BASP1: variants seen among roughly 807,000 people sequenced by gnomAD.
BASP1 encodes brain acid soluble protein 1.
BASP1 carries 1 observed loss-of-function variant against 2.2 expected under a neutral mutation model. That is an observed-to-expected ratio of 0.46 (90% CI 0.16 to 2.17). BASP1 has a LOEUF of 2.17. BASP1 is among the 30% of genes most tolerant of loss of function. The pLI, the probability that BASP1 is intolerant of heterozygous loss-of-function variation, is 0.27. For missense variants in BASP1, 352 were observed against 327.2 expected (o/e 1.08, Z -0.58); for synonymous variants, 187 against 154.2 (o/e 1.21, Z -1.58).
chr5:17,274,306 T>G (rs62348045), intron 1 of BASP1, among the ~76,000 whole-genome samples: 1 of 152,174 alleles, frequency 6.6e-6, no homozygotes, highest in Non-Finnish European at 1.5e-5. Flanking sequence ...CAAGAGACAC[T>G]GGCTTTTTCA....
Position 17,275,210 on chromosome 5 carries a change from C to G in BASP1, c.-7C>G, listed in dbSNP as rs756210529. On this transcript the variant is annotated splice_region_variant and 5_prime_UTR_variant, in exon 2 of 2. Transcript: ENST00000322611. The surrounding 1 kb of genome is among the most constrained non-coding windows in gnomAD (Gnocchi z 5.3). ...TTTTGTTTTGTGTTTGCTTCCAGAACTCCAAGATGGGAGGCAAGCTCAGCA... is the reference window on the plus strand; with the variant it reads ...TTTTGTTTTGTGTTTGCTTCCAGAAGTCCAAGATGGGAGGCAAGCTCAGCA... The G allele has an allele frequency of 1.2e-6, 2 of 1,612,904 alleles. No homozygotes were observed. The highest frequency in any genetic ancestry group is 1.1e-5 in the South Asian group (1 of 91,010).
intron 1 of BASP1, among the ~76,000 whole-genome samples, chr5:17,252,555 C>T (rs1472960840): frequency 6.6e-6 from 1 of 152,178 alleles, no homozygotes; most frequent in Non-Finnish European, 1.5e-5. Flanking sequence ...ACCACACCTC[C>T]TGGGGAGTTT....
At chr5:17,229,015 T>TA (rs550150550) in intron 1 of BASP1, among the ~76,000 whole-genome samples, 150 of 148,836 alleles carry the variant, frequency 1.0e-3, no homozygotes, top group African/African-American at 2.7e-3. Flanking sequence ...GTATACCTAT[T>TA]AAAAAAAAAA....
intron 1 of BASP1, among the ~76,000 whole-genome samples, chr5:17,261,585 C>G (rs1282794497): frequency 1.3e-5 from 2 of 152,164 alleles, no homozygotes; most frequent in East Asian, 1.9e-4. Context: ...GAATAACCAT[C>G]AGATTTGGAA....
At chr5:17,233,100 A>G (rs1223059713) in intron 1 of BASP1, among the ~76,000 whole-genome samples, 1 of 152,214 alleles carries the variant, frequency 6.6e-6, no homozygotes, top group East Asian at 1.9e-4. Context: ...ACTCATTCCA[A>G]AACATTTCTG....
chr5:17,258,718 T>A (rs1239856569), intron 1 of BASP1, among the ~76,000 whole-genome samples: 12 of 152,202 alleles, frequency 7.9e-5, no homozygotes, highest in Admixed American at 7.9e-4. Context: ...TGGAATTCCA[T>A]GGCTGGGGAC....
rs538777864 is a variant in BASP1 at position 17,236,836 on chromosome 5, T to C, written c.-10+19026T>C. Among the ~76,000 whole-genome samples the C allele has an allele frequency of 2.6e-5, 4 of 152,372 alleles. No homozygotes were observed. The East Asian group carries it at 7.7e-4, about 29-fold the overall frequency. On this transcript the variant is annotated intron_variant, in intron 1 of 1. Transcript: ENST00000322611. The surrounding 1 kb of genome is among the most constrained non-coding windows in gnomAD (Gnocchi z 4.0). Reference sequence around the variant, plus strand: ...GAAAAAAATGTTTTTAGTACTTTTCTTGGTATCTTCTAATCTTCAGAAAAA... The same window carrying C: ...GAAAAAAATGTTTTTAGTACTTTTCCTGGTATCTTCTAATCTTCAGAAAAA...
At chr5:17,257,736 G>A (rs942061968) in intron 1 of BASP1, among the ~76,000 whole-genome samples, 6 of 152,076 alleles carry the variant, frequency 3.9e-5, no homozygotes, top group South Asian at 2.1e-4. Flanking sequence ...TCAAAGTTCC[G>A]CTTGAACTAA....
intron 1 of BASP1, among the ~76,000 whole-genome samples, chr5:17,227,280 C>T (rs1017083666): frequency 4.6e-5 from 7 of 151,826 alleles, no homozygotes; most frequent in South Asian, 2.1e-4. Context: ...AGTGCAGTGG[C>T]GCAATTTCTG....
At chr5:17,253,321 C>T (rs1472654719) in intron 1 of BASP1, among the ~76,000 whole-genome samples, 1 of 152,130 alleles carries the variant, frequency 6.6e-6, no homozygotes, top group African/African-American at 2.4e-5. Flanking sequence ...AGTAATTCTC[C>T]CACCTTAGCC....
At chr5:17,231,339 C>T (rs928954274) in intron 1 of BASP1, among the ~76,000 whole-genome samples, 1 of 152,094 alleles carries the variant, frequency 6.6e-6, no homozygotes, top group African/African-American at 2.4e-5. Flanking sequence ...GTCCATTTCC[C>T]TCTACTTGAA....
chr5:17,232,651 CCTTTA>C (rs1314570174), intron 1 of BASP1, among the ~76,000 whole-genome samples: 2 of 152,128 alleles, frequency 1.3e-5, no homozygotes, highest in Non-Finnish European at 2.9e-5. Context: ...AGAACGCTGT[CCTTTA>C]CTTTCACATC....
chr5:17,263,225 T>G (rs1361735112), intron 1 of BASP1, among the ~76,000 whole-genome samples: 2 of 152,150 alleles, frequency 1.3e-5, no homozygotes, highest in Non-Finnish European at 2.9e-5. Context: ...CTTTTACAAA[T>G]TATATTGTGA....
At chr5:17,266,814 C>CAAAAAAA (rs70943882) in intron 1 of BASP1, among the ~76,000 whole-genome samples, 10 of 111,478 alleles carry the variant, frequency 9.0e-5, no homozygotes, top group African/African-American at 2.7e-4. Context: ...GATCCTGTCT[C>CAAAAAAA]AAAAAAAAAA....
At chr5:17,244,636 G>A (rs951520622) in intron 1 of BASP1, among the ~76,000 whole-genome samples, 9 of 152,048 alleles carry the variant, frequency 5.9e-5, no homozygotes, top group Non-Finnish European at 1.2e-4. Flanking sequence ...CTTGATAGGA[G>A]GGAAGGCATT....
intron 1 of BASP1, among the ~76,000 whole-genome samples, chr5:17,224,283 G>A (rs1437177210): frequency 6.6e-6 from 1 of 152,162 alleles, no homozygotes; most frequent in African/African-American, 2.4e-5. Context: ...CTGGAGGGAA[G>A]TCATATATTT....
upstream of BASP1, chr5:17,216,890 C>G (rs1739245037): frequency 6.6e-6 from 1 of 152,528 alleles, no homozygotes; most frequent in Admixed American, 6.5e-5. This position sits in a 1 kb window ranked among gnomAD's most constrained non-coding sequence, Gnocchi z 6.4. Flanking sequence ...ACCTCGCTGC[C>G]AGCCGAGGTA....
intron 1 of BASP1, among the ~76,000 whole-genome samples, chr5:17,228,668 T>C (rs1046389237): frequency 3.3e-5 from 5 of 152,128 alleles, no homozygotes; most frequent in African/African-American, 4.8e-5. Flanking sequence ...TACTGCCACG[T>C]TAAGGGGAGA....
chr5:17,239,876 A>G (rs1357997054), intron 1 of BASP1, among the ~76,000 whole-genome samples: 1 of 152,110 alleles, frequency 6.6e-6, no homozygotes, highest in Non-Finnish European at 1.5e-5. Context: ...TCCTGGTAGC[A>G]TGGAGGTGTT....
Sources: gnomAD v4.1 joint callset for allele counts (sites outside exome capture counted in the v4.1 genomes callset) on GRCh38, gnomAD v4.1.1 for gene constraint, Gnocchi (gnomAD v3.1) non-coding constraint, MANE v1.5 for transcripts, NCBI Gene and HGNC (gene_info 2026-07-23, HGNC 2026-07-21) for gene names.